RNF20: variants seen among roughly 807,000 people sequenced by gnomAD.
RNF20 encodes ring finger protein 20.
A neutral mutation model predicts 126.2 loss-of-function variants in RNF20; 84 were observed. That is an observed-to-expected ratio of 0.67 (90% CI 0.56 to 0.80). RNF20 has a LOEUF of 0.80. Among genes scored for constraint, RNF20 ranks in the 30% least tolerant of loss-of-function variants. RNF20 has a pLI of 0.00. For missense variants in RNF20, 869 were observed against 1,188.2 expected (o/e 0.73, Z 3.95); for synonymous variants, 400 against 414.3 (o/e 0.97, Z 0.42).
intron 15 of RNF20, 46 bp from the exon 16 acceptor site, chr9:101,557,338 A>G (rs1827550912): frequency 7.2e-7 from 1 of 1,388,066 alleles, no homozygotes; most frequent in Non-Finnish European, 1.0e-6. Flanking sequence ...CTTCCATTGA[A>G]GTTGGAAGAT....
At position 101,561,849 on chromosome 9, in the gene RNF20, T is replaced by C. The variant is rs1457185362; in HGVS notation, c.2650-61T>C. The stretch of plus-strand genomic sequence containing the variant: ...CACAACAGAAAACTCAAGTCTATTA[T>C]TTTTCTCAAAAATGATAGATTTGGG... On this transcript the variant is annotated intron_variant, in intron 18 of 19. Coordinates refer to ENST00000389120, the MANE Select transcript of RNF20 (RefSeq NM_019592.7). 1.5e-5 allele frequency: 17 copies of C among 1,143,016 alleles called. No homozygotes were observed. In the South Asian group the frequency reaches 1.8e-4, roughly 12 times the overall value. The allele number at this position is 1,143,016 out of a possible 1,614,324, so 70.8% of individuals were successfully genotyped here. A position where few individuals can be genotyped will look rare whatever the true frequency, so the allele number is the denominator to read the frequency against.
chr9:101,536,743 A>C (rs1269041266), intron 2 of RNF20, among the ~76,000 whole-genome samples: 1 of 152,172 alleles, frequency 6.6e-6, no homozygotes, highest in Admixed American at 6.5e-5. Flanking sequence ...AGGGATAAGC[A>C]CATACTTATG....
rs188370547 is a variant in RNF20 at position 101,546,497 on chromosome 9, T to A, written c.748-323T>A. Among the ~76,000 whole-genome samples, 12 of 152,302 alleles carry A rather than the reference T, an allele frequency of 7.9e-5. No homozygotes were observed. The East Asian group carries it at 1.9e-3, about 25-fold the overall frequency. On this transcript the variant is annotated intron_variant, in intron 6 of 19. Transcript: ENST00000389120. ...AACAAAAGATACTATTTATTATCTC[T>A]TAAAAAATTACAAAATTTTTATGAG... is the stretch of plus-strand genomic sequence containing the variant.
At chr9:101,562,091 T>G (rs893828193) in intron 19 of RNF20, 80 bp downstream of exon 19, 2 of 1,307,148 alleles carry the variant, frequency 1.5e-6, no homozygotes, top group Non-Finnish European at 2.1e-6. Context: ...ATTTGCATGA[T>G]AGTAACCAGA....
Position 101,561,137 on chromosome 9 carries a change from G to A in RNF20, c.2556G>A (p.Glu852=). 1 of 1,613,954 alleles carries A rather than the reference G, an allele frequency of 6.2e-7. No homozygotes were observed. The highest frequency in any genetic ancestry group is 8.5e-7 in the Non-Finnish European group (1 of 1,179,848). The change falls in exon 18 of 20, where the codon GAG becomes GAA. Residue 852 remains glutamate, a synonymous_variant. Coordinates refer to ENST00000389120, the MANE Select transcript of RNF20 (RefSeq NM_019592.7). ...QLADDLKAQL[E]LAQKKLHDFQ... The stretch of plus-strand genomic sequence containing the variant: ...CAGATGACCTCAAAGCACAACTGGA[G>A]TTGGCTCAGAAGAAGCTACATGATT...
chr9:101,535,332 A>C, intron 1 of RNF20, 66 bp from the exon 2 acceptor site: 1 of 1,334,048 alleles, frequency 7.5e-7, no homozygotes, highest in Non-Finnish European at 1.0e-6. Flanking sequence ...TTTTTACTCT[A>C]TTGTTTTACT....
In RNF20 at chr9:101,561,146, G is replaced by A. The variant is rs1827622199; in HGVS notation, c.2565G>A (p.Gln855=). 6.2e-7 allele frequency: 1 copy of A among 1,613,830 alleles called. No homozygotes were observed. The highest frequency in any genetic ancestry group is 1.3e-5 in the African/African-American group (1 of 74,928). Residue 855 remains glutamine, a synonymous_variant, in exon 18 of 20, where the codon CAG becomes CAA. Transcript: ENST00000389120. Reference sequence around the variant, plus strand: ...TCAAAGCACAACTGGAGTTGGCTCAGAAGAAGCTACATGATTTTCAGGATG... The same window carrying A: ...TCAAAGCACAACTGGAGTTGGCTCAAAAGAAGCTACATGATTTTCAGGATG... ...DDLKAQLELA[Q]KKLHDFQDEI...
At chr9:101,549,346 G>C (rs576135178) in intron 9 of RNF20, among the ~76,000 whole-genome samples, 7 of 152,328 alleles carry the variant, frequency 4.6e-5, no homozygotes, top group Admixed American at 3.9e-4. Context: ...AGGAGACAGA[G>C]AGAGAAACAG....
At chr9:101,543,044 A>C (rs1314461438) in intron 5 of RNF20, among the ~76,000 whole-genome samples, 1 of 152,182 alleles carries the variant, frequency 6.6e-6, no homozygotes, top group Non-Finnish European at 1.5e-5. Context: ...CTACTTCCCC[A>C]TTCCCTGTGG....
At chr9:101,539,903 G>A (rs1003655810) in intron 2 of RNF20, among the ~76,000 whole-genome samples, 4 of 151,868 alleles carry the variant, frequency 2.6e-5, no homozygotes, top group Non-Finnish European at 5.9e-5. Context: ...GATTGGAGTC[G>A]AGGGTGATCT....
chr9:101,544,835 C>T lies in RNF20; in HGVS notation c.697C>T (p.Gln233Ter). 6.2e-7 allele frequency: 1 copy of T among 1,613,796 alleles called. No homozygotes were observed. Among genetic ancestry groups the T allele is most frequent in the Non-Finnish European group, 8.5e-7 (1 of 1,179,742 alleles). Residue 233 changes from glutamine (Q) to a stop codon, truncating the protein, a stop_gained, in exon 6 of 20, where the codon CAG becomes TAG. Coordinates refer to ENST00000389120, the MANE Select transcript of RNF20 (RefSeq NM_019592.7). LOFTEE classifies it high-confidence loss of function. ...CCTCGCACAGGAGAATATGAGGCTA[C>T]AGGAATTGACAGATCTTCTTCAGGA... ...SFLAQENMRL[Q>*]ELTDLLQEKH...
At position 101,550,779 on chromosome 9, in the gene RNF20, T is replaced by G. The variant is rs1827430159; in HGVS notation, c.1266T>G (p.Leu422=). The G allele has an allele frequency of 1.2e-6, 2 of 1,614,082 alleles. No individual in the cohort carries two copies. The highest frequency in any genetic ancestry group is 1.7e-6 in the Non-Finnish European group (2 of 1,179,936). The change falls in exon 10 of 20, where the codon CTT becomes CTG. Residue 422 remains leucine, a synonymous_variant. Coordinates refer to ENST00000389120, the MANE Select transcript of RNF20 (RefSeq NM_019592.7). ...TRGTHQHQVE[L]IERDEVSLHK... is the part of the protein sequence containing the mutation. Reference sequence around the variant, plus strand: ...GAACCCACCAGCACCAGGTTGAGCTTATTGAGGTAATAGCCTTGCCTTGTC... The same window carrying G: ...GAACCCACCAGCACCAGGTTGAGCTGATTGAGGTAATAGCCTTGCCTTGTC...
At chr9:101,536,976 A>G (rs1827195317) in intron 2 of RNF20, among the ~76,000 whole-genome samples, 2 of 152,214 alleles carry the variant, frequency 1.3e-5, no homozygotes, top group South Asian at 2.1e-4. Context: ...TGAGGCATGT[A>G]TCCACTGATC....
Position 101,556,636 on chromosome 9 carries a change from G to GAAT in RNF20, c.2170-745_2170-743dup, listed in dbSNP as rs1171519889. 2.6e-5 allele frequency among the ~76,000 whole-genome samples: 4 copies of GAAT among 152,200 alleles called. No homozygotes were observed. The East Asian group carries it at 7.7e-4, about 29-fold the overall frequency. ...TAATTTGGAGTGGAGACCTTTCTATGAATAAAAGGCTAGAAAACATGAACA... is the reference window on the plus strand; with the variant it reads ...TAATTTGGAGTGGAGACCTTTCTATGAATAATAAAAGGCTAGAAAACATGAACA... On this transcript the variant is annotated intron_variant, in intron 15 of 19. Coordinates refer to ENST00000389120, the MANE Select transcript of RNF20 (RefSeq NM_019592.7).
At chr9:101,559,828 A>G (rs1827597985) in intron 16 of RNF20, among the ~76,000 whole-genome samples, 1 of 152,142 alleles carries the variant, frequency 6.6e-6, no homozygotes, top group African/African-American at 2.4e-5. Context: ...TTCTAGGTAT[A>G]TGATAATGTA....
intron 16 of RNF20, 98 bp from the exon 17 acceptor site, chr9:101,560,703 T>C (rs1827612124): frequency 1.7e-6 from 2 of 1,203,264 alleles, no homozygotes; most frequent in Admixed American, 3.0e-5. Flanking sequence ...TTGAGATTTC[T>C]AACATACTGT....
chr9:101,557,146 T>A (rs916509863), intron 15 of RNF20, among the ~76,000 whole-genome samples: 1 of 152,220 alleles, frequency 6.6e-6, no homozygotes, highest in East Asian at 1.9e-4. Context: ...AATACAATTA[T>A]TGTCTAATTT....
intron 13 of RNF20, among the ~76,000 whole-genome samples, chr9:101,553,554 T>C (rs1024006915): frequency 6.6e-6 from 1 of 152,216 alleles, no homozygotes; most frequent in African/African-American, 2.4e-5. Flanking sequence ...TTTTTCCCTT[T>C]TATTTCTCCC....
intron 10 of RNF20, 46 bp from the exon 11 acceptor site, chr9:101,551,638 A>G (rs7035814): frequency 6.4e-6 from 6 of 942,016 alleles, no homozygotes; most frequent in Non-Finnish European, 8.6e-6. Context: ...TGATATTTCT[A>G]CATTTTAATA....
Sources: allele counts gnomAD v4.1 joint callset (sites outside exome capture counted in the v4.1 genomes callset), GRCh38; gene constraint gnomAD v4.1.1; transcripts MANE v1.5; gene names NCBI Gene and HGNC (gene_info 2026-07-23, HGNC 2026-07-21).